ATP9B: variants seen among roughly 807,000 people sequenced by gnomAD.
The protein encoded by ATP9B is probable phospholipid-transporting ATPase IIB.
In ATP9B, 110 loss-of-function variants were observed where a neutral mutation model predicts 146.1. The observed-to-expected ratio is 0.75, with a 90% CI of 0.65 to 0.88. ATP9B has a LOEUF of 0.88. Ranked by LOEUF, ATP9B falls within the 40% of genes least tolerant of loss-of-function variation. The probability of loss-of-function intolerance (pLI) is 0.00; values close to 1 mark genes in which losing one functional copy is unlikely to be tolerated. For missense variants in ATP9B, 1,499 were observed against 1,496.4 expected, an observed-to-expected ratio of 1.00 and a Z score of -0.03; for synonymous variants, 604 against 569.7, an observed-to-expected ratio of 1.06 and a Z score of -0.86.
intron 5 of ATP9B, among the ~76,000 whole-genome samples, chr18:79,134,176 C>G (rs1051957281): frequency 1.3e-5 from 2 of 152,318 alleles, no homozygotes; most frequent in African/African-American, 4.8e-5. Context: ...ATAGGCCTCT[C>G]CTTTTCCCTC....
At chr18:79,159,068 A>G (rs1281519059) in intron 7 of ATP9B, among the ~76,000 whole-genome samples, 1 of 152,136 alleles carries the variant, frequency 6.6e-6, no homozygotes, top group Non-Finnish European at 1.5e-5. Flanking sequence ...GTCTTCAGCC[A>G]TGCACCTCTC....
chr18:79,094,668 G>A (rs548953569), intron 1 of ATP9B, among the ~76,000 whole-genome samples: 24 of 152,312 alleles, frequency 1.6e-4, no homozygotes, highest in African/African-American at 4.6e-4. Flanking sequence ...GAAAGGGTGG[G>A]TTTCTTCTGG....
chr18:79,077,112 T>G (rs1239759894), intron 1 of ATP9B, among the ~76,000 whole-genome samples: 2 of 152,238 alleles, frequency 1.3e-5, no homozygotes, highest in Non-Finnish European at 2.9e-5. Context: ...GTTGTTTTGA[T>G]GTTGACATCT....
rs1249927968 is a variant in ATP9B, at chr18:79,344,278, G to A, written c.2396G>A (p.Gly799Glu). ...IHIFRQVTSR[G>E]EAHLELNAFR... ...CCCTTAATGGAGGTAACCAGTCGGG[G>A]AGAGGCACATTTGGAGCTGAATGCA... The change falls in exon 21 of 30, where the codon GGA becomes GAA. Residue 799 changes from glycine (G) to glutamate (E), a missense_variant. Physicochemically the swap from Gly to Glu is moderately conservative, Grantham distance 98. Transcript: ENST00000426216. 1 of 1,614,086 alleles carries A rather than the reference G, an allele frequency of 6.2e-7. No individual in the cohort carries two copies. The highest frequency in any genetic ancestry group is 8.5e-7 in the Non-Finnish European group (1 of 1,180,024).
intron 1 of ATP9B, among the ~76,000 whole-genome samples, chr18:79,082,340 G>A (rs1266659994): frequency 6.6e-6 from 1 of 152,050 alleles, no homozygotes; most frequent in African/African-American, 2.4e-5. Flanking sequence ...CCTTGCATTG[G>A]GTTAGAACAT....
chr18:79,258,333 G>A (rs559176428), intron 12 of ATP9B, among the ~76,000 whole-genome samples: 11 of 152,288 alleles, frequency 7.2e-5, no homozygotes, highest in Admixed American at 2.0e-4. Context: ...GGGAGGCTGA[G>A]GCGGGAGGAT....
chr18:79,335,796 G>A (rs1374374135), intron 17 of ATP9B, among the ~76,000 whole-genome samples: 1 of 152,238 alleles, frequency 6.6e-6, no homozygotes, highest in Non-Finnish European at 1.5e-5. Flanking sequence ...CACGGAGTTA[G>A]TCCCAGAGCA....
Position 79,377,368 on chromosome 18 carries a change from C to T in ATP9B, c.3429C>T (p.Cys1143=). The T allele has an allele frequency of 6.2e-7, 1 of 1,609,094 alleles. No homozygotes were observed. Among genetic ancestry groups the T allele is most frequent in the Non-Finnish European group, 8.5e-7 (1 of 1,180,012 alleles). ...GCAAGCTCTCTCCTCCCAGCTACTGCAAGCTGGCCTCCTAAGGGGCTGTGC... is the reference window on the plus strand; with the variant it reads ...GCAAGCTCTCTCCTCCCAGCTACTGTAAGCTGGCCTCCTAAGGGGCTGTGC... ...LRRKLSPPSY[C]KLAS Residue 1143 remains cysteine (C), a synonymous_variant, in exon 30 of 30, where the codon TGC becomes TGT. Transcript: ENST00000426216.
At chr18:79,275,875 AT>A (rs2096302860) in intron 12 of ATP9B, among the ~76,000 whole-genome samples, 1 of 152,234 alleles carries the variant, frequency 6.6e-6, no homozygotes, top group African/African-American at 2.4e-5. Context: ...AGTACATAGA[AT>A]TTTTAAGATA....
chr18:79,257,715 C>T (rs2096096689), intron 12 of ATP9B, among the ~76,000 whole-genome samples: 1 of 152,252 alleles, frequency 6.6e-6, no homozygotes, highest in African/African-American at 2.4e-5. Flanking sequence ...GCCTCCAGCA[C>T]AGGGCGCCTG....
intron 11 of ATP9B, among the ~76,000 whole-genome samples, chr18:79,249,205 A>G (rs1369124141): frequency 1.3e-5 from 2 of 152,212 alleles, no homozygotes; most frequent in African/African-American, 4.8e-5. Context: ...TACATAAATT[A>G]AAGAGGAGCT....
At chr18:79,229,716 T>TA (rs2095771778) in intron 11 of ATP9B, among the ~76,000 whole-genome samples, 2 of 152,248 alleles carry the variant, frequency 1.3e-5, no homozygotes, top group South Asian at 4.1e-4. Context: ...TTGCATTCTT[T>TA]AATCAGTCAT....
At chr18:79,199,730 C>T (rs2095448503) in intron 9 of ATP9B, among the ~76,000 whole-genome samples, 1 of 150,550 alleles carries the variant, frequency 6.6e-6, no homozygotes, top group Non-Finnish European at 1.5e-5. Context: ...TGCCACTGCA[C>T]TCCAGCCTGG....
intron 17 of ATP9B, among the ~76,000 whole-genome samples, chr18:79,332,406 G>A (rs560132926): frequency 8.7e-4 from 133 of 152,354 alleles, no homozygotes; most frequent in Non-Finnish European, 1.6e-3. Context: ...TCCAGCCTGG[G>A]CGACAGAGCG....
intron 4 of ATP9B, among the ~76,000 whole-genome samples, chr18:79,121,160 A>C (rs1361624270): frequency 6.6e-6 from 1 of 152,230 alleles, no homozygotes; most frequent in Non-Finnish European, 1.5e-5. Flanking sequence ...AAGGCACATC[A>C]ATAATGTACC....
chr18:79,202,810 A>G (rs942481916), intron 9 of ATP9B, among the ~76,000 whole-genome samples: 3 of 152,260 alleles, frequency 2.0e-5, no homozygotes, highest in African/African-American at 7.2e-5. Flanking sequence ...TGTTAGAGAC[A>G]GAAACATTCA....
At chr18:79,350,969 C>T (rs1600275406) in intron 25 of ATP9B, among the ~76,000 whole-genome samples, 1 of 152,050 alleles carries the variant, frequency 6.6e-6, no homozygotes, top group African/African-American at 2.4e-5. Context: ...CGGGGTTTTG[C>T]CATGTTGACC....
intron 11 of ATP9B, among the ~76,000 whole-genome samples, chr18:79,222,131 C>A (rs2095686063): frequency 6.6e-6 from 1 of 151,942 alleles, no homozygotes; most frequent in Admixed American, 6.6e-5. Flanking sequence ...TAGTCTTTAT[C>A]TTTTATTTTT....
intron 6 of ATP9B, among the ~76,000 whole-genome samples, chr18:79,147,753 C>T (rs1289746367): frequency 2.0e-5 from 3 of 151,764 alleles, no homozygotes; most frequent in South Asian, 2.1e-4. Context: ...TAAACCCCTA[C>T]TGCAAGAAAT....
Sources: allele counts gnomAD v4.1 joint callset (sites outside exome capture counted in the v4.1 genomes callset), GRCh38; gene constraint gnomAD v4.1.1; transcripts MANE v1.5; gene names NCBI Gene and HGNC (gene_info 2026-07-23, HGNC 2026-07-21).